Variants in HDGFL2 observed in about 807,000 individuals in gnomAD.
HDGFL2 encodes HDGF like 2.
HDGFL2 carries 36 observed loss-of-function variants against 77.1 expected under a neutral mutation model. That is an observed-to-expected ratio of 0.47 (90% CI 0.36 to 0.62). The LOEUF is 0.62. HDGFL2 is among the 20% of genes least tolerant of loss of function. The pLI is 0.00. For missense variants in HDGFL2, 976 were observed against 973.4 expected (o/e 1.00, Z -0.04); for synonymous variants, 463 against 413.1 (o/e 1.12, Z -1.46).
intron 6 of HDGFL2, 30 bp downstream of exon 6, chr19:4,491,865 C>T (rs764019100): frequency 6.3e-7 from 1 of 1,590,672 alleles, no homozygotes; most frequent in South Asian, 1.1e-5. Flanking sequence ...GTTTCCCATG[C>T]CCACTCGTGG....
At chr19:4,499,408 G>C in intron 13 of HDGFL2, 83 bp from the exon 14 acceptor site, 1 of 1,247,556 alleles carries the variant, frequency 8.0e-7, no homozygotes, top group Non-Finnish European at 1.1e-6. Flanking sequence ...TGCGGGAGGG[G>C]CGCATTGCTG....
chr19:4,484,164 A>G (rs1304045050), intron 3 of HDGFL2, among the ~76,000 whole-genome samples: 1 of 144,930 alleles, frequency 6.9e-6, no homozygotes, highest in Non-Finnish European at 1.5e-5. Flanking sequence ...GCTCACTGCA[A>G]TCTCTGCCTC....
chr19:4,491,524 C>G, intron 4 of HDGFL2, 42 bp from the exon 5 acceptor site: 1 of 1,573,990 alleles, frequency 6.4e-7, no homozygotes. Context: ...GCCAGGAGCC[C>G]GGCCTTCCCA....
chr19:4,499,808 C>T (rs1280613494), intron 14 of HDGFL2, 104 bp downstream of exon 14: 18 of 927,898 alleles, frequency 1.9e-5, no homozygotes, highest in Admixed American at 5.6e-5. Flanking sequence ...ACTCTCTGCC[C>T]CAAACCTGCC....
chr19:4,489,804 G>T (rs2145188538), intron 4 of HDGFL2, among the ~76,000 whole-genome samples: 1 of 152,302 alleles, frequency 6.6e-6, no homozygotes, highest in Middle Eastern at 3.4e-3. Flanking sequence ...ATACACCTCA[G>T]TGGTTTTTAG....
intron 14 of HDGFL2, among the ~76,000 whole-genome samples, chr19:4,500,475 T>TTTG (rs1975835343): frequency 9.1e-6 from 1 of 110,496 alleles, no homozygotes; most frequent in Non-Finnish European, 1.9e-5. Context: ...TTTTTTTTTT[T>TTTG]TTTGAGACGG....
chr19:4,491,812 C>G lies in HDGFL2; in HGVS notation c.655C>G (p.Pro219Ala). 1 of 1,613,982 alleles carries G rather than the reference C, an allele frequency of 6.2e-7. No individual in the cohort carries two copies. Among genetic ancestry groups the G allele is most frequent in the Non-Finnish European group, 8.5e-7 (1 of 1,180,014 alleles). Residue 219 changes from proline to alanine, a missense_variant, in exon 6 of 16, where the codon CCT (proline) becomes GCT (alanine). By Grantham distance (27) the Pro-to-Ala change is conservative (BLOSUM62 -1). Around this residue, in one of 5 missense-constraint regions of HDGFL2, gnomAD observed 567 missense variants for 534.7 expected, o/e 1.06. Coordinates refer to ENST00000616600, the MANE Select transcript of HDGFL2 (RefSeq NM_001001520.3). Reference protein sequence around the residue: ...KAAVRAPRRGPLGGRKKKKAP... With the variant: ...KAAVRAPRRGALGGRKKKKAP... The stretch of plus-strand genomic sequence containing the variant: ...AGCGGTCCGGGCGCCACGGAGGGGC[C>G]CTCTGGGGGGACGGAAAAAAAAGGT...
Position 4,475,582 on chromosome 19 carries a change from C to A in HDGFL2, c.287C>A (p.Pro96Gln), listed in dbSNP as rs185764004. ...NNPHASYSAP[P>Q]PVSSSDSEAP... is the part of the protein sequence containing the mutation. ...CCCCACGCCAGCTACAGCGCCCCTC[C>A]GGTGAGTACCCGGGGTGGAGAGCCA... Residue 96 changes from proline to glutamine, a missense_variant and splice_region_variant, in exon 3 of 16, where the codon CCG becomes CAG. Transcript: ENST00000616600. 4 of 1,573,138 alleles carry A rather than the reference C, an allele frequency of 2.5e-6. No homozygotes were observed. In the African/African-American group the frequency reaches 4.2e-5, roughly 16 times the overall value.
At chr19:4,472,450 TGGGGGGG>T (rs57169858) in intron 1 of HDGFL2, 28 bp downstream of exon 1, 2 of 280,526 alleles carry the variant, frequency 7.1e-6, no homozygotes, top group Non-Finnish European at 1.2e-5. Context: ...ATGGGGCCGG[TGGGGGGG>T]GGGGGGGGGG....
At chr19:4,488,025 C>T in intron 3 of HDGFL2, among the ~76,000 whole-genome samples, 1 of 151,828 alleles carries the variant, frequency 6.6e-6, no homozygotes, top group East Asian at 1.9e-4. Flanking sequence ...GGCTGGAGTG[C>T]AGTGGCGTGA....
rs761654777 is a variant in HDGFL2 at position 4,475,436 on chromosome 19, C to T, written c.150-9C>T. The stretch of plus-strand genomic sequence containing the variant: ...TCACCTGGGACTGGCCCCCGTTTCC[C>T]TTCTCCAGAGCCTTCCTGGGACCCA... On this transcript the variant is annotated splice_polypyrimidine_tract_variant and intron_variant, in intron 2 of 15. Transcript: ENST00000616600. The T allele has an allele frequency of 1.9e-6, 3 of 1,613,860 alleles. No homozygotes were observed. Among genetic ancestry groups the T allele is most frequent in the South Asian group, 2.2e-5 (2 of 91,076 alleles).
At chr19:4,472,969 G>A (rs1219581469) in intron 1 of HDGFL2, among the ~76,000 whole-genome samples, 11 of 150,404 alleles carry the variant, frequency 7.3e-5, no homozygotes, top group Non-Finnish European at 1.5e-5. Context: ...AGAGACTCTC[G>A]CCCTTGGTGT....
intron 4 of HDGFL2, among the ~76,000 whole-genome samples, chr19:4,489,329 C>T (rs1483343995): frequency 6.6e-6 from 1 of 151,382 alleles, no homozygotes; most frequent in Non-Finnish European, 1.5e-5. Flanking sequence ...TCTTGGCTCA[C>T]TGCACCCTCT....
intron 12 of HDGFL2, 35 bp downstream of exon 12, chr19:4,498,411 C>T (rs1309810068): frequency 2.2e-5 from 34 of 1,511,370 alleles, no homozygotes; most frequent in Non-Finnish European, 2.6e-5. Flanking sequence ...CAAGCAGTCC[C>T]CGCTGCCACC....
chr19:4,475,238 TG>T (rs751370523), intron 1 of HDGFL2, 36 bp from the exon 2 acceptor site: 4 of 1,589,912 alleles, frequency 2.5e-6, no homozygotes, highest in African/African-American at 1.3e-5. Flanking sequence ...CCTGGGTCAG[TG>T]GGTAAAGCCA....
intron 3 of HDGFL2, among the ~76,000 whole-genome samples, chr19:4,481,858 C>T (rs1266234946): frequency 2.0e-5 from 3 of 151,998 alleles, no homozygotes; most frequent in Non-Finnish European, 4.4e-5. Context: ...TTAGGAAGCG[C>T]TCACTGGATG....
At chr19:4,473,202 G>A (rs1974990107) in intron 1 of HDGFL2, among the ~76,000 whole-genome samples, 1 of 141,914 alleles carries the variant, frequency 7.0e-6, no homozygotes, top group South Asian at 2.3e-4. Flanking sequence ...GAGCTGCGCC[G>A]TGGGGATCTG....
At chr19:4,490,507 C>T (rs1291110174) in intron 4 of HDGFL2, among the ~76,000 whole-genome samples, 1 of 152,188 alleles carries the variant, frequency 6.6e-6, no homozygotes, top group Non-Finnish European at 1.5e-5. Context: ...ATCAGGCTGC[C>T]GTGAACGTTT....
chr19:4,480,747 G>A (rs989209614), intron 3 of HDGFL2, among the ~76,000 whole-genome samples: 10 of 152,126 alleles, frequency 6.6e-5, no homozygotes, highest in Middle Eastern at 3.2e-3. Flanking sequence ...GGGGCCAAGA[G>A]CCTGTTGTAT....
Sources: gnomAD v4.1 joint callset for allele counts (sites outside exome capture counted in the v4.1 genomes callset) on GRCh38, gnomAD v4.1.1 for gene constraint, gnomAD v4.1.1 regional missense constraint, MANE v1.5 for transcripts, NCBI Gene and HGNC (gene_info 2026-07-23, HGNC 2026-07-21) for gene names.